The following XPO6 variants were observed in gnomAD, a reference collection of about 807,000 sequenced individuals.
The protein encoded by XPO6 is exportin-6.
A neutral mutation model predicts 130.0 loss-of-function variants in XPO6; 3 were observed. The observed-to-expected ratio is 0.02, with a 90% CI of 0.01 to 0.06. The LOEUF is 0.06. Among genes scored for constraint, XPO6 ranks in the 10% least tolerant of loss-of-function variants. The pLI, the probability that XPO6 is intolerant of heterozygous loss-of-function variation, is 1.00. For missense variants in XPO6, 970 were observed against 1,393.0 expected (o/e 0.70, Z 4.83); for synonymous variants, 524 against 548.9 (o/e 0.95, Z 0.63).
chr16:28,182,757 A>C (rs1182529711), intron 1 of XPO6, among the ~76,000 whole-genome samples: 1 of 152,254 alleles, frequency 6.6e-6, no homozygotes, highest in African/African-American at 2.4e-5. Context: ...GTTTGTGTTG[A>C]TCAAAACAGC....
chr16:28,177,772 T>A (rs906253034), intron 2 of XPO6, among the ~76,000 whole-genome samples: 1 of 152,058 alleles, frequency 6.6e-6, no homozygotes, highest in South Asian at 2.1e-4. Flanking sequence ...AAATGACGGC[T>A]AGAAAGGCAG....
chr16:28,161,781 C>T (rs912118797), intron 6 of XPO6, among the ~76,000 whole-genome samples: 1 of 152,106 alleles, frequency 6.6e-6, no homozygotes, highest in Non-Finnish European at 1.5e-5. Flanking sequence ...TTCCCCAAGT[C>T]CCTCTGCTAG....
intron 1 of XPO6, among the ~76,000 whole-genome samples, 175 bp downstream of exon 1, chr16:28,211,191 G>T (rs1432335798): frequency 6.6e-6 from 1 of 152,198 alleles, no homozygotes; most frequent in African/African-American, 2.4e-5. Flanking sequence ...CATCCCTGGG[G>T]GGATGGGAGC....
At chr16:28,157,711 T>C (rs1331622074) in intron 6 of XPO6, among the ~76,000 whole-genome samples, 1 of 152,156 alleles carries the variant, frequency 6.6e-6, no homozygotes, top group East Asian at 1.9e-4. Context: ...TTCAAATTCA[T>C]TAGTAATCAG....
chr16:28,136,280 C>T (rs1482165578), intron 9 of XPO6, among the ~76,000 whole-genome samples: 2 of 152,172 alleles, frequency 1.3e-5, no homozygotes, highest in East Asian at 1.9e-4. Flanking sequence ...AGTGCAACGG[C>T]GCAATCTTGG....
intron 23 of XPO6, among the ~76,000 whole-genome samples, chr16:28,100,702 G>A (rs1276098769): frequency 6.6e-6 from 1 of 152,226 alleles, no homozygotes; most frequent in African/African-American, 2.4e-5. Context: ...ACAAGGAAAA[G>A]TTCCCAGAAG....
intron 1 of XPO6, among the ~76,000 whole-genome samples, chr16:28,203,481 C>T (rs1238109847): frequency 1.3e-5 from 2 of 152,100 alleles, no homozygotes; most frequent in South Asian, 4.1e-4. Context: ...CTTCAACATC[C>T]TTCTCGTGCC....
Position 28,211,457 on chromosome 16 carries a change from A to T in XPO6, c.-89T>A. On this transcript the variant is annotated 5_prime_UTR_variant, in exon 1 of 24. Coordinates refer to ENST00000304658, the MANE Select transcript of XPO6 (RefSeq NM_015171.4). ...ACAGTTCAGGTCATGGTCCCGGCAG[A>T]CTCGGGAAGTCCCCCACCCATGCAA... The T allele has an allele frequency of 7.8e-7, 1 of 1,283,494 alleles. No individual in the cohort carries two copies. Among genetic ancestry groups the T allele is most frequent in the Non-Finnish European group, 1.0e-6 (1 of 1,002,596 alleles). 79.5% of individuals were successfully genotyped at this position (1,283,494 alleles called of 1,614,324 possible).
chr16:28,162,475 C>G (rs536252118), intron 6 of XPO6, among the ~76,000 whole-genome samples: 1 of 152,016 alleles, frequency 6.6e-6, no homozygotes, highest in African/African-American at 2.4e-5. Context: ...GGCAGCGATA[C>G]GCACCAATGC....
At chr16:28,143,765 T>C (rs777283404) in intron 9 of XPO6, among the ~76,000 whole-genome samples, 1 of 152,108 alleles carries the variant, frequency 6.6e-6, no homozygotes, top group East Asian at 1.9e-4. Context: ...GCCTCCCAAG[T>C]AGCTGGGATT....
chr16:28,157,973 C>A (rs2043210070), intron 6 of XPO6, among the ~76,000 whole-genome samples: 1 of 152,228 alleles, frequency 6.6e-6, no homozygotes, highest in African/African-American at 2.4e-5. Context: ...GGCAGTCTGG[C>A]CTCCTCCTTG....
chr16:28,132,661 A>C lies in XPO6; in HGVS notation c.1537-258T>G, dbSNP rs529036728. On this transcript the variant is annotated intron_variant, in intron 11 of 23. Transcript: ENST00000304658. This position sits in a 1 kb window ranked among gnomAD's most constrained non-coding sequence, Gnocchi z 4.0. ...TTAGTTCAACCCTTTTTTTAAAAAA[A>C]AAAAAAAAGCAAAGGACACTGTGGT... Among the ~76,000 whole-genome samples the C allele has an allele frequency of 2.0e-4, 31 of 151,760 alleles. No homozygotes were observed. The highest frequency in any genetic ancestry group is 7.5e-4 in the African/African-American group (31 of 41,382).
At chr16:28,149,806 T>C (rs1313809141) in intron 8 of XPO6, among the ~76,000 whole-genome samples, 5 of 152,172 alleles carry the variant, frequency 3.3e-5, no homozygotes, top group Non-Finnish European at 7.3e-5. Flanking sequence ...CTAAAATTTG[T>C]GAATTTTAGA....
intron 1 of XPO6, among the ~76,000 whole-genome samples, chr16:28,187,501 T>A (rs2043714109): frequency 6.6e-6 from 1 of 151,992 alleles, no homozygotes; most frequent in Non-Finnish European, 1.5e-5. Context: ...TGTTTCTTCT[T>A]GTGCACAAGT....
chr16:28,114,199 C>CAAAAAA (rs71389524), intron 15 of XPO6, among the ~76,000 whole-genome samples: 1 of 97,736 alleles, frequency 1.0e-5, no homozygotes, highest in African/African-American at 3.7e-5. Context: ...TACATCCTCA[C>CAAAAAA]AAAAAAAAAA....
At chr16:28,102,791 C>T (rs2086681306) in intron 21 of XPO6, among the ~76,000 whole-genome samples, 1 of 151,752 alleles carries the variant, frequency 6.6e-6, no homozygotes, top group South Asian at 2.1e-4. Flanking sequence ...AAAGAAACAC[C>T]CCGCACACCA....
chr16:28,115,641 C>G (rs1231158320), intron 15 of XPO6, among the ~76,000 whole-genome samples: 4 of 152,234 alleles, frequency 2.6e-5, no homozygotes, highest in Non-Finnish European at 5.9e-5. Flanking sequence ...TGGCTTCAAC[C>G]TGAAGTCTCC....
chr16:28,103,851 G>A (rs1204767263), intron 21 of XPO6, among the ~76,000 whole-genome samples: 2 of 152,236 alleles, frequency 1.3e-5, no homozygotes, highest in East Asian at 3.8e-4. Context: ...GAGCTGGAGG[G>A]AGGGTGGAAA....
chr16:28,185,804 G>C (rs1208586730), intron 1 of XPO6, among the ~76,000 whole-genome samples: 1 of 152,164 alleles, frequency 6.6e-6, no homozygotes, highest in Non-Finnish European at 1.5e-5. Context: ...CACCTCAATA[G>C]CAAATGGCAC....
Sources: allele counts gnomAD v4.1 joint callset (sites outside exome capture counted in the v4.1 genomes callset), GRCh38; gene constraint gnomAD v4.1.1; non-coding constraint Gnocchi (gnomAD v3.1); transcripts MANE v1.5; gene names NCBI Gene and HGNC (gene_info 2026-07-23, HGNC 2026-07-21).